Variants in ZMYND11 observed in about 807,000 individuals in gnomAD.
ZMYND11 encodes zinc finger MYND-type containing 11, also known as zinc finger MYND domain-containing protein 11.
ZMYND11 carries 9 observed loss-of-function variants against 84.9 expected under a neutral mutation model. That is an observed-to-expected ratio of 0.11 (90% CI 0.06 to 0.18). ZMYND11 has a LOEUF of 0.18. Among genes scored for constraint, ZMYND11 ranks in the 10% least tolerant of loss-of-function variants. ZMYND11 has a pLI of 1.00. For missense variants in ZMYND11, 409 were observed against 761.0 expected, an observed-to-expected ratio of 0.54 and a Z score of 5.44; for synonymous variants, 250 against 244.1, an observed-to-expected ratio of 1.02 and a Z score of -0.23.
intron 2 of ZMYND11, among the ~76,000 whole-genome samples, chr10:193,576 G>A (rs943358144): frequency 1.3e-5 from 2 of 152,148 alleles, no homozygotes; most frequent in African/African-American, 2.4e-5. Flanking sequence ...GCTTGAAATC[G>A]TTAATAAAAC....
intron 3 of ZMYND11, among the ~76,000 whole-genome samples, chr10:213,552 T>C (rs1945645056): frequency 6.6e-6 from 1 of 152,182 alleles, no homozygotes; most frequent in African/African-American, 2.4e-5. Flanking sequence ...AAGTTACAAA[T>C]ATTCTTTACT....
intron 2 of ZMYND11, among the ~76,000 whole-genome samples, chr10:187,795 A>G (rs997259418): frequency 2.6e-5 from 4 of 152,226 alleles, no homozygotes; most frequent in African/African-American, 9.6e-5. Context: ...TTAAAGCTAT[A>G]TTTATAAATT....
intron 3 of ZMYND11, among the ~76,000 whole-genome samples, chr10:217,842 T>C (rs532455557): frequency 1.3e-5 from 2 of 152,312 alleles, no homozygotes; most frequent in South Asian, 4.1e-4. Flanking sequence ...ATTATACAGC[T>C]GCGAATGCCA....
chr10:212,518 C>T (rs541688966), intron 3 of ZMYND11, among the ~76,000 whole-genome samples: 3 of 150,866 alleles, frequency 2.0e-5, no homozygotes, highest in Admixed American at 6.7e-5. Context: ...AGTAAGATCT[C>T]GTATGTCACA....
At chr10:184,438 A>G (rs1477255762) in intron 2 of ZMYND11, among the ~76,000 whole-genome samples, 4 of 151,296 alleles carry the variant, frequency 2.6e-5, no homozygotes, top group African/African-American at 9.7e-5. Context: ...CTTCACTGCA[A>G]CCTCTTTTTA....
chr10:214,454 C>A (rs938116708), intron 3 of ZMYND11, among the ~76,000 whole-genome samples: 1 of 152,084 alleles, frequency 6.6e-6, no homozygotes. Flanking sequence ...AAAGTAAATG[C>A]ATAAAAAATT....
intron 1 of ZMYND11, among the ~76,000 whole-genome samples, chr10:162,969 T>C (rs1843239719): frequency 6.6e-6 from 1 of 152,192 alleles, no homozygotes. Flanking sequence ...TCTTCTGTGT[T>C]GAGTCCTGTT....
At chr10:161,519 C>T (rs781901741) in intron 1 of ZMYND11, among the ~76,000 whole-genome samples, 1 of 152,228 alleles carries the variant, frequency 6.6e-6, no homozygotes, top group Non-Finnish European at 1.5e-5. Flanking sequence ...CATCACCTCT[C>T]TAGCTATGAA....
chr10:188,898 G>A (rs1305593995), intron 2 of ZMYND11, among the ~76,000 whole-genome samples: 1 of 152,190 alleles, frequency 6.6e-6, no homozygotes, highest in Admixed American at 6.5e-5. Context: ...AGGTTGGCTT[G>A]TTAATTATGG....
intron 14 of ZMYND11, among the ~76,000 whole-genome samples, chr10:249,966 A>AG (rs1199699660): frequency 1.3e-5 from 2 of 152,240 alleles, no homozygotes; most frequent in African/African-American, 4.8e-5. Context: ...TGTTAACAAA[A>AG]GACCAGGAGA....
At chr10:136,358 C>T (rs1406869635) in intron 1 of ZMYND11, among the ~76,000 whole-genome samples, 2 of 152,136 alleles carry the variant, frequency 1.3e-5, no homozygotes, top group African/African-American at 4.8e-5. Context: ...GCAGAGTGAC[C>T]GCCGTACCTG....
At chr10:178,967 G>A (rs1847257231) in intron 1 of ZMYND11, among the ~76,000 whole-genome samples, 1 of 152,200 alleles carries the variant, frequency 6.6e-6, no homozygotes, top group Non-Finnish European at 1.5e-5. Context: ...ACACAGCAAA[G>A]TGCTTCCCTC....
intron 1 of ZMYND11, among the ~76,000 whole-genome samples, chr10:177,254 T>C (rs1554767150): frequency 6.6e-6 from 1 of 152,178 alleles, no homozygotes; most frequent in African/African-American, 2.4e-5. Context: ...GGTCAAGTTG[T>C]TTTTGGTACC....
intron 11 of ZMYND11, 68 bp from the exon 12 acceptor site, chr10:247,330 T>C: frequency 6.5e-7 from 1 of 1,543,794 alleles, no homozygotes; most frequent in Non-Finnish European, 8.9e-7. Context: ...GGGTCCACTA[T>C]GAGTGTTTTC....
intron 4 of ZMYND11, 151 bp downstream of exon 4, chr10:221,507 G>A: frequency 2.7e-6 from 2 of 738,538 alleles, no homozygotes; most frequent in Non-Finnish European, 4.3e-6. Context: ...CTCATAAATG[G>A]ACATCACAGA....
chr10:236,668 C>A (rs374351047), intron 4 of ZMYND11, among the ~76,000 whole-genome samples, 170 bp from the exon 5 acceptor site: 9 of 152,176 alleles, frequency 5.9e-5, no homozygotes, highest in African/African-American at 2.2e-4. Context: ...ACATTAGATG[C>A]TGTTTTTTTT....
intron 4 of ZMYND11, among the ~76,000 whole-genome samples, chr10:233,260 T>C (rs1209975718): frequency 6.6e-6 from 1 of 152,184 alleles, no homozygotes; most frequent in Non-Finnish European, 1.5e-5. Flanking sequence ...AAGTCTTAGC[T>C]GTGCCGTTTG....
At chr10:241,018 GT>G (rs1950804805) in intron 9 of ZMYND11, 48 bp downstream of exon 9, 1 of 1,424,846 alleles carries the variant, frequency 7.0e-7, no homozygotes, top group Admixed American at 2.0e-5. Context: ...CTCTAAGGAA[GT>G]TTATTTCCAG....
At chr10:231,887 A>C (rs950825398) in intron 4 of ZMYND11, among the ~76,000 whole-genome samples, 16 of 152,190 alleles carry the variant, frequency 1.1e-4, no homozygotes, top group African/African-American at 3.9e-4. Flanking sequence ...CAACTTTGCC[A>C]TCTCATAGAA....
Sources: gnomAD v4.1 joint callset for allele counts (sites outside exome capture counted in the v4.1 genomes callset) on GRCh38, gnomAD v4.1.1 for gene constraint, MANE v1.5 for transcripts, NCBI Gene and HGNC (gene_info 2026-07-23, HGNC 2026-07-21) for gene names.